ISLR: variants seen among roughly 807,000 people sequenced by gnomAD.
ISLR encodes the protein immunoglobulin superfamily containing leucine-rich repeat protein.
ISLR carries 9 observed loss-of-function variants against 11.0 expected under a neutral mutation model. The observed-to-expected ratio is 0.82, with a 90% CI of 0.49 to 1.43. The LOEUF (loss-of-function observed/expected upper bound fraction) is 1.43, where lower values mean the gene tolerates loss of function less well. Ranked by LOEUF, ISLR falls within the 40% of genes most tolerant of loss-of-function variation. The pLI is 0.00. For missense variants in ISLR, 510 were observed against 576.4 expected, an observed-to-expected ratio of 0.88 and a Z score of 1.18; for synonymous variants, 262 against 264.1, an observed-to-expected ratio of 0.99 and a Z score of 0.08.
rs771973750 is a variant in ISLR, at chr15:74,175,111, G to T, written c.253G>T (p.Glu85Ter). The change falls in exon 2 of 2, where the codon GAG becomes TAG. Residue 85 changes from glutamate (E) to a stop codon, truncating the protein, a stop_gained. Transcript: ENST00000249842. LOFTEE classifies it high-confidence loss of function. This position sits in a 1 kb window ranked among gnomAD's most constrained non-coding sequence, Gnocchi z 4.7. ...GCAGTCGCTGTGGCTGGCACACAAT[G>T]AGATCCGCACGGTGGCCGCCGGAGC... ...LLQSLWLAHNEIRTVAAGALA... is the reference protein window; with the variant it reads ...LLQSLWLAHN The T allele has an allele frequency of 6.2e-7, 1 of 1,611,128 alleles. No individual in the cohort carries two copies. The highest frequency in any genetic ancestry group is 1.1e-5 in the South Asian group (1 of 91,070).
chr15:74,175,317 C>CA lies in ISLR; in HGVS notation c.461dup (p.Asn154LysfsTer105). On this transcript the variant is annotated frameshift_variant, in exon 2 of 2. Transcript: ENST00000249842. LOFTEE classifies it high-confidence loss of function. This position sits in a 1 kb window ranked among gnomAD's most constrained non-coding sequence, Gnocchi z 4.7. Reference sequence around the variant, plus strand: ...TCCGTGCTCTGCGCTCGCTGCAACTCAACCACAACCGCTTGCACACATTGG... The same window carrying CA: ...TCCGTGCTCTGCGCTCGCTGCAACTCAAACCACAACCGCTTGCACACATTGG... 6.2e-7 allele frequency: 1 copy of CA among 1,611,354 alleles called. No homozygotes were observed. The highest frequency in any genetic ancestry group is 8.5e-7 in the Non-Finnish European group (1 of 1,180,026).
Position 74,175,560 on chromosome 15 carries a change from G to A in ISLR, c.702G>A (p.Val234=), listed in dbSNP as rs2072784779. 1.2e-6 allele frequency: 2 copies of A among 1,612,214 alleles called. No homozygotes were observed. Among genetic ancestry groups the A allele is most frequent in the African/African-American group, 2.7e-5 (2 of 74,926 alleles). ...LPPLPCSAPS[V]QLSYQPSQDG... ...CACTGCCATGCTCGGCGCCCTCAGT[G>A]CAGCTCAGCTACCAACCCAGCCAGG... The change falls in exon 2 of 2, where the codon GTG becomes GTA. Residue 234 remains valine (V), a synonymous_variant. Coordinates refer to ENST00000249842, the MANE Select transcript of ISLR (RefSeq NM_005545.4). This position sits in a 1 kb window ranked among gnomAD's most constrained non-coding sequence, Gnocchi z 4.7.
In ISLR at chr15:74,176,399, T is replaced by G; in HGVS notation, c.*254T>G. The G allele has an allele frequency of 2.2e-6, 1 of 448,920 alleles. No individual in the cohort carries two copies. The highest frequency in any genetic ancestry group is 4.0e-6 in the Non-Finnish European group (1 of 247,304). The allele number at this position is 448,920 out of a possible 1,614,324, so 27.8% of individuals were successfully genotyped here. A position where few individuals can be genotyped will look rare whatever the true frequency, so the allele number is the denominator to read the frequency against. ...TTGCTGCTAACAGCATTGCCTGTGC[T>G]CTCCTCTCAGGGGCAGCATGCTAAC... On this transcript the variant is annotated 3_prime_UTR_variant, in exon 2 of 2. Transcript: ENST00000249842.
Position 74,175,327 on chromosome 15 carries a change from C to A in ISLR, c.469C>A (p.Arg157Ser), listed in dbSNP as rs769818994. Residue 157 changes from arginine (R) to serine (S), a missense_variant, in exon 2 of 2, where the codon CGC becomes AGC. Transcript: ENST00000249842. This position sits in a 1 kb window ranked among gnomAD's most constrained non-coding sequence, Gnocchi z 4.7. Reference sequence around the variant, plus strand: ...GCGCTCGCTGCAACTCAACCACAACCGCTTGCACACATTGGCCGAGGGCAC... The same window carrying A: ...GCGCTCGCTGCAACTCAACCACAACAGCTTGCACACATTGGCCGAGGGCAC... ...ALRSLQLNHN[R>S]LHTLAEGTFT... 65 of 1,611,126 alleles carry A rather than the reference C, an allele frequency of 4.0e-5. No homozygotes were observed. The highest frequency in any genetic ancestry group is 5.3e-5 in the Non-Finnish European group (62 of 1,179,992).
In ISLR at chr15:74,175,358, C is replaced by T. The variant is rs750387508; in HGVS notation, c.500C>T (p.Thr167Ile). 4 of 1,611,028 alleles carry T rather than the reference C, an allele frequency of 2.5e-6. No homozygotes were observed. Among genetic ancestry groups the T allele is most frequent in the South Asian group, 1.1e-5 (1 of 91,036 alleles). Residue 167 changes from threonine to isoleucine, a missense_variant, in exon 2 of 2, where the codon ACC becomes ATC. Coordinates refer to ENST00000249842, the MANE Select transcript of ISLR (RefSeq NM_005545.4). The surrounding 1 kb of genome is among the most constrained non-coding windows in gnomAD (Gnocchi z 4.7). ...RLHTLAEGTF[T>I]PLTALSHLQI... Reference sequence around the variant, plus strand: ...CACACATTGGCCGAGGGCACCTTCACCCCGCTCACCGCGCTGTCCCACCTG... The same window carrying T: ...CACACATTGGCCGAGGGCACCTTCATCCCGCTCACCGCGCTGTCCCACCTG...
rs150921456 is a variant in ISLR at position 74,175,764 on chromosome 15, G to T, written c.906G>T (p.Pro302=). 6.6e-4 allele frequency: 1,071 copies of T among 1,613,968 alleles called. 9 individuals are homozygous for T. The African/African-American group carries it at 0.012, about 19-fold the overall frequency. Residue 302 remains proline, a synonymous_variant, in exon 2 of 2, where the codon CCG becomes CCT. Coordinates refer to ENST00000249842, the MANE Select transcript of ISLR (RefSeq NM_005545.4). The surrounding 1 kb of genome is among the most constrained non-coding windows in gnomAD (Gnocchi z 4.7). Reference sequence around the variant, plus strand: ...GCACCCCTGTGGCCAGCTCCCAGCCGCGCTTCCAGGCCTTTGCCAATGGCA... The same window carrying T: ...GCACCCCTGTGGCCAGCTCCCAGCCTCGCTTCCAGGCCTTTGCCAATGGCA... ...LPGTPVASSQ[P]RFQAFANGSL...
Position 74,175,048 on chromosome 15 carries a change from G to A in ISLR, c.190G>A (p.Gly64Ser), listed in dbSNP as rs1342200652. 2 of 1,611,232 alleles carry A rather than the reference G, an allele frequency of 1.2e-6. No individual in the cohort carries two copies. Among genetic ancestry groups the A allele is most frequent in the Admixed American group, 1.7e-5 (1 of 59,572 alleles). ...TLSLSANRLPGLPEGAFREVP... is the reference protein window; with the variant it reads ...TLSLSANRLPSLPEGAFREVP... ...GAGCCTGTCAGCCAACCGGCTGCCAGGCTTGCCGGAGGGTGCCTTCAGGGA... is the reference window on the plus strand; with the variant it reads ...GAGCCTGTCAGCCAACCGGCTGCCAAGCTTGCCGGAGGGTGCCTTCAGGGA... Residue 64 changes from glycine (G) to serine (S), a missense_variant, in exon 2 of 2, where the codon GGC becomes AGC. Gly to Ser is a moderately conservative substitution (Grantham distance 56, BLOSUM62 0). Coordinates refer to ENST00000249842, the MANE Select transcript of ISLR (RefSeq NM_005545.4). This position sits in a 1 kb window ranked among gnomAD's most constrained non-coding sequence, Gnocchi z 4.7.
In ISLR at chr15:74,175,927, C is replaced by T. The variant is rs144146312; in HGVS notation, c.1069C>T (p.Arg357Cys). 9.4e-5 allele frequency: 152 copies of T among 1,611,108 alleles called. No homozygotes were observed. In the African/African-American group the frequency reaches 1.9e-3, roughly 20 times the overall value. Residue 357 changes from arginine (R) to cysteine (C), a missense_variant, in exon 2 of 2, where the codon CGC becomes TGC. Coordinates refer to ENST00000249842, the MANE Select transcript of ISLR (RefSeq NM_005545.4). The surrounding 1 kb of genome is among the most constrained non-coding windows in gnomAD (Gnocchi z 4.7). Reference protein sequence around the residue: ...PGEGGEDTLGRRFHGKAVEGK... With the variant: ...PGEGGEDTLGCRFHGKAVEGK... ...TGAGGGTGGTGAGGACACACTGGGG[C>T]GCAGGTTCCATGGCAAAGCGGTTGA... is the stretch of plus-strand genomic sequence containing the variant.
chr15:74,176,071 C>A lies in ISLR; in HGVS notation c.1213C>A (p.Pro405Thr). The A allele has an allele frequency of 6.2e-7, 1 of 1,608,040 alleles. No individual in the cohort carries two copies. Among genetic ancestry groups the A allele is most frequent in the Non-Finnish European group, 8.5e-7 (1 of 1,176,668 alleles). Residue 405 changes from proline to threonine, a missense_variant, in exon 2 of 2, where the codon CCT becomes ACT. By Grantham distance (38) the Pro-to-Thr change is conservative (BLOSUM62 -1). Transcript: ENST00000249842. ...TGAGGCTGCAGTCGCAGAAGGGGTC[C>A]CTGGGCAGCTGCCCCCAGGCCTGCT... ...NPEAAVAEGV[P>T]GQLPPGLLLL...
rs768314274 is a variant in ISLR at position 74,175,895 on chromosome 15, C to T, written c.1037C>T (p.Thr346Met). 73 of 1,613,492 alleles carry T rather than the reference C, an allele frequency of 4.5e-5. No individual in the cohort carries two copies. The highest frequency in any genetic ancestry group is 5.9e-5 in the Non-Finnish European group (70 of 1,179,700). ...AESSVDVALA[T>M]PGEGGEDTLG... ...AGCTCAGTGGACGTGGCACTGGCCA[C>T]GCCCGGTGAGGGTGGTGAGGACACA... The change falls in exon 2 of 2, where the codon ACG (threonine) becomes ATG (methionine). Residue 346 changes from threonine to methionine, a missense_variant. Thr to Met is a moderately conservative substitution (Grantham distance 81). Coordinates refer to ENST00000249842, the MANE Select transcript of ISLR (RefSeq NM_005545.4). The surrounding 1 kb of genome is among the most constrained non-coding windows in gnomAD (Gnocchi z 4.7).
In ISLR at chr15:74,176,432, C is replaced by T. The variant is rs1158418890; in HGVS notation, c.*287C>T. The T allele has an allele frequency of 4.4e-5, 17 of 389,674 alleles. No homozygotes were observed. Among genetic ancestry groups the T allele is most frequent in the Admixed American group, 3.7e-4 (9 of 24,090 alleles). The allele number at this position is 389,674 out of a possible 1,614,324, so 24.1% of individuals were successfully genotyped here. ...CAGGGGCAGCATGCTAACGGGGCGA[C>T]GTCCTAATCCAACTGGGAGAAGCCT... On this transcript the variant is annotated 3_prime_UTR_variant, in exon 2 of 2. Coordinates refer to ENST00000249842, the MANE Select transcript of ISLR (RefSeq NM_005545.4).
chr15:74,175,635 G>C lies in ISLR; in HGVS notation c.777G>C (p.Val259=). The C allele has an allele frequency of 6.2e-7, 1 of 1,614,094 alleles. No individual in the cohort carries two copies. Among genetic ancestry groups the C allele is most frequent in the Non-Finnish European group, 8.5e-7 (1 of 1,180,036 alleles). Residue 259 remains valine, a synonymous_variant, in exon 2 of 2, where the codon GTG becomes GTC. Transcript: ENST00000249842. This position sits in a 1 kb window ranked among gnomAD's most constrained non-coding sequence, Gnocchi z 4.7. The stretch of plus-strand genomic sequence containing the variant: ...TTGTGCTGGCACTGCACTGTGATGT[G>C]GACGGGCAGCCGGCCCCTCAGCTTC... ...PGFVLALHCD[V]DGQPAPQLHW... is the part of the protein sequence containing the mutation.
Position 74,175,879 on chromosome 15 carries a change from G to A in ISLR, c.1021G>A (p.Asp341Asn), listed in dbSNP as rs1253096514. Reference sequence around the variant, plus strand: ...GCTGGGCAGTGCTGAGAGCTCAGTGGACGTGGCACTGGCCACGCCCGGTGA... The same window carrying A: ...GCTGGGCAGTGCTGAGAGCTCAGTGAACGTGGCACTGGCCACGCCCGGTGA... The part of the protein sequence containing the change: ...NELGSAESSV[D>N]VALATPGEGG... The change falls in exon 2 of 2, where the codon GAC becomes AAC. Residue 341 changes from aspartate to asparagine, a missense_variant. Physicochemically the swap from Asp to Asn is conservative, Grantham distance 23. Transcript: ENST00000249842. The surrounding 1 kb of genome is among the most constrained non-coding windows in gnomAD (Gnocchi z 4.7). The A allele has an allele frequency of 6.2e-7, 1 of 1,613,986 alleles. No individual in the cohort carries two copies. The highest frequency in any genetic ancestry group is 1.7e-5 in the Admixed American group (1 of 60,018).
chr15:74,173,824 T>A lies in ISLR; in HGVS notation c.-204T>A, dbSNP rs2072762891. 6.5e-6 allele frequency: 1 copy of A among 154,430 alleles called. No individual in the cohort carries two copies. Among genetic ancestry groups the A allele is most frequent in the Non-Finnish European group, 1.5e-5 (1 of 68,242 alleles). 9.6% of individuals were successfully genotyped at this position (154,430 alleles called of 1,614,324 possible). A position where few individuals can be genotyped will look rare whatever the true frequency, so the allele number is the denominator to read the frequency against. Reference sequence around the variant, plus strand: ...CTGCCGCCTCCTCTCAGTGGATGGTTCCAGGCACCCTGTCTGGGGCAGGGA... The same window carrying A: ...CTGCCGCCTCCTCTCAGTGGATGGTACCAGGCACCCTGTCTGGGGCAGGGA... On this transcript the variant is annotated 5_prime_UTR_variant, in exon 1 of 2. Coordinates refer to ENST00000249842, the MANE Select transcript of ISLR (RefSeq NM_005545.4).
chr15:74,175,668 C>A lies in ISLR; in HGVS notation c.810C>A (p.His270Gln), dbSNP rs115861726. ...AGCCGGCCCCTCAGCTTCACTGGCACATCCAGATACCCAGTGGCATTGTGG... is the reference window on the plus strand; with the variant it reads ...AGCCGGCCCCTCAGCTTCACTGGCAAATCCAGATACCCAGTGGCATTGTGG... ...DGQPAPQLHW[H>Q]IQIPSGIVEI... Residue 270 changes from histidine (H) to glutamine (Q), a missense_variant, in exon 2 of 2, where the codon CAC (histidine) becomes CAA (glutamine). Coordinates refer to ENST00000249842, the MANE Select transcript of ISLR (RefSeq NM_005545.4). The surrounding 1 kb of genome is among the most constrained non-coding windows in gnomAD (Gnocchi z 4.7). 6.2e-7 allele frequency: 1 copy of A among 1,614,024 alleles called. No homozygotes were observed. Among genetic ancestry groups the A allele is most frequent in the East Asian group, 2.2e-5 (1 of 44,888 alleles).
Position 74,176,400 on chromosome 15 carries a change from C to G in ISLR, c.*255C>G, listed in dbSNP as rs183437731. ...TGCTGCTAACAGCATTGCCTGTGCT[C>G]TCCTCTCAGGGGCAGCATGCTAACG... is the stretch of plus-strand genomic sequence containing the variant. On this transcript the variant is annotated 3_prime_UTR_variant, in exon 2 of 2. Transcript: ENST00000249842. The G allele has an allele frequency of 2.2e-6, 1 of 449,256 alleles. No individual in the cohort carries two copies. The highest frequency in any genetic ancestry group is 4.0e-6 in the Non-Finnish European group (1 of 247,474). The allele number at this position is 449,256 out of a possible 1,614,324, so 27.8% of individuals were successfully genotyped here. A position where few individuals can be genotyped will look rare whatever the true frequency, so the allele number is the denominator to read the frequency against.
rs2072794951 is a variant in ISLR at position 74,176,237 on chromosome 15, T to C, written c.*92T>C. The C allele has an allele frequency of 2.0e-6, 2 of 995,158 alleles. No homozygotes were observed. Among genetic ancestry groups the C allele is most frequent in the Non-Finnish European group, 2.9e-6 (2 of 682,446 alleles). The allele number at this position is 995,158 out of a possible 1,614,324, so 61.6% of individuals were successfully genotyped here. A position where few individuals can be genotyped will look rare whatever the true frequency, so the allele number is the denominator to read the frequency against. On this transcript the variant is annotated 3_prime_UTR_variant, in exon 2 of 2. Coordinates refer to ENST00000249842, the MANE Select transcript of ISLR (RefSeq NM_005545.4). ...TCTGGGGTTGGCAACTCCTGAGGCC[T>C]GCATGGGTGACTTCACATTTTCCTA...
Position 74,175,236 on chromosome 15 carries a change from G to A in ISLR, c.378G>A (p.Leu126=). 1 of 1,613,380 alleles carries A rather than the reference G, an allele frequency of 6.2e-7. No homozygotes were observed. Among genetic ancestry groups the A allele is most frequent in the Non-Finnish European group, 8.5e-7 (1 of 1,180,010 alleles). The change falls in exon 2 of 2, where the codon TTG becomes TTA. Residue 126 remains leucine, a synonymous_variant. Transcript: ENST00000249842. This position sits in a 1 kb window ranked among gnomAD's most constrained non-coding sequence, Gnocchi z 4.7. ...TGCACAACCTCAGTGCCCTCCAATT[G>A]CTCAAGATGGACAGCAACGAGCTGA... ...SDLHNLSALQ[L]LKMDSNELTF...
chr15:74,175,026 C>T lies in ISLR; in HGVS notation c.168C>T (p.Ser56=). 1 of 1,611,738 alleles carries T rather than the reference C, an allele frequency of 6.2e-7. No homozygotes were observed. Among genetic ancestry groups the T allele is most frequent in the Non-Finnish European group, 8.5e-7 (1 of 1,179,174 alleles). ...PGFPANVTTL[S]LSANRLPGLP... is the part of the protein sequence containing the mutation. Reference sequence around the variant, plus strand: ...TCCCGGCCAATGTGACTACACTGAGCCTGTCAGCCAACCGGCTGCCAGGCT... The same window carrying T: ...TCCCGGCCAATGTGACTACACTGAGTCTGTCAGCCAACCGGCTGCCAGGCT... The change falls in exon 2 of 2, where the codon AGC becomes AGT. Residue 56 remains serine, a synonymous_variant. Transcript: ENST00000249842. This position sits in a 1 kb window ranked among gnomAD's most constrained non-coding sequence, Gnocchi z 4.7.
Sources: allele counts gnomAD v4.1 joint callset, GRCh38; gene constraint gnomAD v4.1.1; non-coding constraint Gnocchi (gnomAD v3.1); transcripts MANE v1.5; gene names NCBI Gene and HGNC (gene_info 2026-07-23, HGNC 2026-07-21).